Variants in BMPR1B observed in about 807,000 individuals in gnomAD.
The protein encoded by BMPR1B is bone morphogenetic protein receptor type 1B.
A neutral mutation model predicts 59.1 loss-of-function variants in BMPR1B; 12 were observed. The observed-to-expected ratio is 0.20, with a 90% CI of 0.13 to 0.33. The LOEUF is 0.33. BMPR1B is among the 10% of genes least tolerant of loss of function. BMPR1B has a pLI of 1.00. For missense variants in BMPR1B, 550 were observed against 610.9 expected (o/e 0.90, Z 1.05); for synonymous variants, 237 against 207.3 (o/e 1.14, Z -1.23).
intron 3 of BMPR1B, among the ~76,000 whole-genome samples, chr4:95,069,792 A>G (rs1308596274): frequency 6.6e-6 from 1 of 152,156 alleles, no homozygotes; most frequent in Non-Finnish European, 1.5e-5. Flanking sequence ...AGATGAATGA[A>G]TGGATATTTT....
At chr4:94,832,931 C>T (rs1724659227) in intron 1 of BMPR1B, among the ~76,000 whole-genome samples, 1 of 151,950 alleles carries the variant, frequency 6.6e-6, no homozygotes, top group Non-Finnish European at 1.5e-5. Flanking sequence ...CAGGGATAGG[C>T]CGGGAACGGT....
chr4:94,938,204 T>C (rs189017250), intron 2 of BMPR1B, among the ~76,000 whole-genome samples: 1 of 152,290 alleles, frequency 6.6e-6, no homozygotes, highest in Admixed American at 6.5e-5. Context: ...GTGTTTTGTA[T>C]ATGGTGTCCA....
chr4:94,864,578 C>T (rs1037465537), intron 1 of BMPR1B, among the ~76,000 whole-genome samples: 7 of 152,042 alleles, frequency 4.6e-5, no homozygotes, highest in South Asian at 2.1e-4. Context: ...GGGCCAAGTA[C>T]TTATTAAAAA....
At chr4:95,075,340 T>C (rs1378335745) in intron 3 of BMPR1B, among the ~76,000 whole-genome samples, 2 of 152,178 alleles carry the variant, frequency 1.3e-5, no homozygotes, top group African/African-American at 2.4e-5. Context: ...CTGCTATACT[T>C]ATGATTTTTA....
At chr4:95,130,621 T>C (rs563563422) in intron 9 of BMPR1B, among the ~76,000 whole-genome samples, 110 of 151,968 alleles carry the variant, frequency 7.2e-4, no homozygotes, top group Non-Finnish European at 1.4e-3. Flanking sequence ...TACCATAAAG[T>C]AGTTTAAACA....
intron 10 of BMPR1B, among the ~76,000 whole-genome samples, chr4:95,138,598 G>T (rs1417536224): frequency 2.0e-5 from 3 of 152,048 alleles, no homozygotes; most frequent in Non-Finnish European, 4.4e-5. Flanking sequence ...TGGAGGGTTT[G>T]TTCATTACTT....
At chr4:94,977,292 G>C (rs770221014) in intron 2 of BMPR1B, among the ~76,000 whole-genome samples, 22 of 152,208 alleles carry the variant, frequency 1.4e-4, no homozygotes, top group Non-Finnish European at 2.8e-4. Context: ...GGATGTATAA[G>C]GTGCCATCAT....
chr4:95,083,525 G>A (rs181021008), intron 3 of BMPR1B, among the ~76,000 whole-genome samples: 3 of 152,206 alleles, frequency 2.0e-5, no homozygotes, highest in Admixed American at 6.5e-5. Context: ...AAAGGAGAGA[G>A]TTACTACTGT....
intron 10 of BMPR1B, among the ~76,000 whole-genome samples, chr4:95,134,119 G>A (rs555985048): frequency 1.8e-4 from 28 of 152,218 alleles, no homozygotes; most frequent in Admixed American, 1.7e-3. Flanking sequence ...GAGAACATGC[G>A]ATGTTTGGTT....
At chr4:95,126,514 C>T (rs1579122042) in intron 8 of BMPR1B, among the ~76,000 whole-genome samples, 1 of 152,128 alleles carries the variant, frequency 6.6e-6, no homozygotes, top group Admixed American at 6.6e-5. Context: ...TAAGGTAGTA[C>T]CAGAAATATC....
chr4:94,937,411 T>G (rs999022904), intron 2 of BMPR1B, among the ~76,000 whole-genome samples: 1 of 152,146 alleles, frequency 6.6e-6, no homozygotes, highest in Non-Finnish European at 1.5e-5. Context: ...CACAAACCCT[T>G]TATGGACAGA....
At chr4:94,841,001 G>T (rs1310744702) in intron 1 of BMPR1B, among the ~76,000 whole-genome samples, 1 of 147,156 alleles carries the variant, frequency 6.8e-6, no homozygotes, top group Non-Finnish European at 1.5e-5. Flanking sequence ...CTCAGCTGCA[G>T]GTCTGTTGGA....
intron 3 of BMPR1B, among the ~76,000 whole-genome samples, chr4:95,062,008 A>G (rs1727437529): frequency 6.6e-6 from 1 of 152,038 alleles, no homozygotes; most frequent in South Asian, 2.1e-4. Context: ...TCACGTGAAG[A>G]TGTGCTTGCT....
chr4:94,801,588 C>G (rs1723407990), intron 1 of BMPR1B, among the ~76,000 whole-genome samples: 1 of 152,172 alleles, frequency 6.6e-6, no homozygotes, highest in African/African-American at 2.4e-5. Flanking sequence ...ATAACAACTT[C>G]ATGACTACTA....
intron 1 of BMPR1B, among the ~76,000 whole-genome samples, chr4:94,842,059 A>G (rs1449835728): frequency 1.3e-5 from 2 of 152,220 alleles, no homozygotes; most frequent in East Asian, 1.9e-4. Context: ...GTTACAGTAC[A>G]GATGGGAAGG....
chr4:94,807,769 CT>C (rs1373520101), intron 1 of BMPR1B, among the ~76,000 whole-genome samples: 1 of 152,208 alleles, frequency 6.6e-6, no homozygotes, highest in Non-Finnish European at 1.5e-5. Context: ...ACTGCAACCT[CT>C]TCCTCCCGGG....
At chr4:94,770,429 G>T (rs1722144306) in intron 1 of BMPR1B, among the ~76,000 whole-genome samples, 1 of 151,898 alleles carries the variant, frequency 6.6e-6, no homozygotes, top group Non-Finnish European at 1.5e-5. Context: ...TCCTTTTCAT[G>T]ATAACTAAGG....
intron 2 of BMPR1B, among the ~76,000 whole-genome samples, chr4:94,906,400 T>TGTCC (rs772382231): frequency 6.6e-6 from 1 of 152,048 alleles, no homozygotes; most frequent in Non-Finnish European, 1.5e-5. Flanking sequence ...ATTCGTGTCT[T>TGTCC]ATATGGGGAA....
intron 2 of BMPR1B, among the ~76,000 whole-genome samples, chr4:94,957,333 G>GTTTTTTTTTT (rs56341742): frequency 6.1e-5 from 4 of 65,660 alleles, no homozygotes; most frequent in Admixed American, 2.0e-4. Flanking sequence ...CCTGTTTCGT[G>GTTTTTTTTTT]TTTTTTTTTT....
Sources: allele counts gnomAD v4.1 joint callset (sites outside exome capture counted in the v4.1 genomes callset), GRCh38; gene constraint gnomAD v4.1.1; transcripts MANE v1.5; gene names NCBI Gene and HGNC (gene_info 2026-07-23, HGNC 2026-07-21).